Variants in CSMD1 observed in about 807,000 individuals in gnomAD.
The protein encoded by CSMD1 is CUB and Sushi multiple domains 1, also known as CUB and sushi domain-containing protein 1.
A neutral mutation model predicts 417.5 loss-of-function variants in CSMD1; 213 were observed. That is an observed-to-expected ratio of 0.51 (90% confidence interval 0.46 to 0.57). CSMD1 has a LOEUF of 0.57. Among genes scored for constraint, CSMD1 ranks in the 20% least tolerant of loss-of-function variants. The pLI, the probability that CSMD1 is intolerant of heterozygous loss-of-function variation, is 0.00. For synonymous variants in CSMD1, 2,862 were observed against 1,736.8 expected, an observed-to-expected ratio of 1.65 and a Z score of -16.11; for missense variants, 6,923 against 4,529.7, an observed-to-expected ratio of 1.53 and a Z score of -15.17.
intron 2 of CSMD1, among the ~76,000 whole-genome samples, chr8:4,445,219 ATTGT>A (rs543040722): frequency 1.5e-3 from 230 of 152,152 alleles, no homozygotes; most frequent in Non-Finnish European, 2.7e-3. Context: ...TACTTTCTTC[ATTGT>A]TTGACCATTA....
intron 5 of CSMD1, among the ~76,000 whole-genome samples, chr8:3,886,675 C>G (rs1231578648): frequency 6.6e-6 from 1 of 152,140 alleles, no homozygotes; most frequent in Non-Finnish European, 1.5e-5. Context: ...ACTGATGATT[C>G]AAAACCTACT....
At chr8:4,950,590 C>A (rs1471232492) in intron 1 of CSMD1, among the ~76,000 whole-genome samples, 1 of 152,106 alleles carries the variant, frequency 6.6e-6, no homozygotes, top group African/African-American at 2.4e-5. Context: ...ATGTAAAACA[C>A]TACACATTTA....
At chr8:3,743,882 G>C (rs531936917) in intron 6 of CSMD1, among the ~76,000 whole-genome samples, 1 of 152,110 alleles carries the variant, frequency 6.6e-6, no homozygotes, top group East Asian at 1.9e-4. Context: ...GTAAAATCCA[G>C]ATTCCCTGCC....
chr8:4,749,778 G>A (rs1811184447), intron 1 of CSMD1, among the ~76,000 whole-genome samples: 1 of 152,062 alleles, frequency 6.6e-6, no homozygotes, highest in African/African-American at 2.4e-5. Flanking sequence ...ATTAAAATGT[G>A]TAAGTCTGGG....
intron 2 of CSMD1, among the ~76,000 whole-genome samples, chr8:4,611,059 A>G (rs556378066): frequency 6.6e-6 from 1 of 152,092 alleles, no homozygotes; most frequent in Non-Finnish European, 1.5e-5. Flanking sequence ...ATTTACAAAA[A>G]CTTAAGAAAA....
At chr8:3,641,818 G>A (rs974308082) in intron 7 of CSMD1, among the ~76,000 whole-genome samples, 4 of 152,124 alleles carry the variant, frequency 2.6e-5, no homozygotes, top group Admixed American at 6.5e-5. Context: ...GACCTTTGTC[G>A]ATCTCTTCCC....
intron 2 of CSMD1, among the ~76,000 whole-genome samples, chr8:4,442,136 G>C (rs1258040680): frequency 6.6e-6 from 1 of 152,100 alleles, no homozygotes; most frequent in Non-Finnish European, 1.5e-5. Flanking sequence ...CTCCTGTCCT[G>C]ATTCAGCAAA....
At chr8:3,637,306 A>G (rs1257015171) in intron 7 of CSMD1, among the ~76,000 whole-genome samples, 1 of 152,150 alleles carries the variant, frequency 6.6e-6, no homozygotes, top group Non-Finnish European at 1.5e-5. Context: ...GAGTTTCATA[A>G]ACAATCTATG....
rs972423103 is a variant in CSMD1, at chr8:4,204,633, G to C, written c.416-172534C>G. Among the ~76,000 whole-genome samples the C allele has an allele frequency of 4.6e-5, 7 of 152,084 alleles. No homozygotes were observed. The South Asian group carries it at 8.3e-4, about 18-fold the overall frequency. ...TGTGTAAGGAGACAGTAGGCAACAA[G>C]CCTAAATTATTTTATAAAAATTATT... On this transcript the variant is annotated intron_variant, in intron 3 of 69. Coordinates refer to ENST00000635120, the MANE Select transcript of CSMD1 (RefSeq NM_033225.6).
chr8:3,150,544 T>A (rs1385452233), intron 40 of CSMD1, among the ~76,000 whole-genome samples: 2 of 152,238 alleles, frequency 1.3e-5, no homozygotes, highest in African/African-American at 2.4e-5. Context: ...GTGTGTGATC[T>A]TCTTCCAGGG....
At chr8:3,200,503 C>T (rs1017638502) in intron 32 of CSMD1, among the ~76,000 whole-genome samples, 4 of 151,122 alleles carry the variant, frequency 2.6e-5, no homozygotes, top group Admixed American at 6.6e-5. Context: ...TGCAGTGAGC[C>T]GAGATGGTGC....
intron 1 of CSMD1, among the ~76,000 whole-genome samples, chr8:4,851,899 T>C (rs182275517): frequency 6.6e-4 from 100 of 152,344 alleles, no homozygotes; most frequent in Middle Eastern, 6.8e-3. Context: ...AGAAAATTTA[T>C]ACTCATTTGC....
chr8:3,277,343 G>A (rs1194278927), intron 26 of CSMD1, among the ~76,000 whole-genome samples: 3 of 152,198 alleles, frequency 2.0e-5, no homozygotes, highest in East Asian at 3.9e-4. Flanking sequence ...CTGGGTGCCT[G>A]TGCGCAGGTG....
intron 3 of CSMD1, among the ~76,000 whole-genome samples, chr8:4,257,934 C>G (rs1301600608): frequency 1.3e-5 from 2 of 152,106 alleles, no homozygotes; most frequent in Non-Finnish European, 2.9e-5. Flanking sequence ...AAATAATAGC[C>G]TTTTTCAAAA....
intron 25 of CSMD1, among the ~76,000 whole-genome samples, chr8:3,287,538 C>A (rs2117257108): frequency 6.6e-6 from 1 of 152,100 alleles, no homozygotes; most frequent in East Asian, 1.9e-4. Context: ...AGTTGGATTC[C>A]TAGGTATTTT....
intron 2 of CSMD1, among the ~76,000 whole-genome samples, chr8:4,620,545 A>C (rs1183227967): frequency 6.6e-6 from 1 of 151,798 alleles, no homozygotes; most frequent in African/African-American, 2.4e-5. Context: ...CTAAAGAATA[A>C]AAATTGCACA....
intron 2 of CSMD1, among the ~76,000 whole-genome samples, chr8:4,476,118 C>A (rs1804512940): frequency 6.6e-6 from 1 of 151,776 alleles, no homozygotes; most frequent in Non-Finnish European, 1.5e-5. Flanking sequence ...AATTTATAAA[C>A]AAGTTACATT....
intron 1 of CSMD1, among the ~76,000 whole-genome samples, chr8:4,951,117 C>G (rs1450638574): frequency 6.6e-6 from 1 of 152,120 alleles, no homozygotes; most frequent in African/African-American, 2.4e-5. Flanking sequence ...GTCCATCTTT[C>G]TGACACACAC....
At chr8:3,383,867 G>A (rs1442236784) in intron 18 of CSMD1, among the ~76,000 whole-genome samples, 1 of 152,146 alleles carries the variant, frequency 6.6e-6, no homozygotes, top group South Asian at 2.1e-4. Context: ...CTTTTGATAT[G>A]TTTAAGCAAT....
Sources: allele counts gnomAD v4.1 joint callset (sites outside exome capture counted in the v4.1 genomes callset), GRCh38; gene constraint gnomAD v4.1.1; transcripts MANE v1.5; gene names NCBI Gene and HGNC (gene_info 2026-07-23, HGNC 2026-07-21).